GATAD2A: variants seen among roughly 807,000 people sequenced by gnomAD.
GATAD2A encodes the protein transcriptional repressor p66-alpha.
GATAD2A carries 12 observed loss-of-function variants against 68.5 expected under a neutral mutation model. The observed-to-expected ratio is 0.18, with a 90% CI of 0.11 to 0.28. The LOEUF (loss-of-function observed/expected upper bound fraction) is 0.28. GATAD2A is among the 10% of genes least tolerant of loss of function. The pLI, the probability that GATAD2A is intolerant of heterozygous loss-of-function variation, is 1.00. For synonymous variants in GATAD2A, 410 were observed against 375.3 expected, an observed-to-expected ratio of 1.09 and a Z score of -1.07; for missense variants, 755 against 868.5, an observed-to-expected ratio of 0.87 and a Z score of 1.64.
intron 2 of GATAD2A, among the ~76,000 whole-genome samples, chr19:19,472,977 G>A (rs1391966575): frequency 6.6e-6 from 1 of 152,178 alleles, no homozygotes; most frequent in Non-Finnish European, 1.5e-5. Flanking sequence ...AAAGCGCAGA[G>A]GTCTTGGAAA....
intron 1 of GATAD2A, among the ~76,000 whole-genome samples, chr19:19,447,223 G>A (rs567718420): frequency 6.6e-6 from 1 of 152,248 alleles, no homozygotes; most frequent in African/African-American, 2.4e-5. Context: ...CTGAGACCTG[G>A]GGGAGTGGAG....
In GATAD2A at chr19:19,505,367, C is replaced by T; in HGVS notation, c.1798C>T (p.Pro600Ser). 3.1e-6 allele frequency: 5 copies of T among 1,613,340 alleles called. No individual in the cohort carries two copies. The highest frequency in any genetic ancestry group is 4.2e-6 in the Non-Finnish European group (5 of 1,179,726). The change falls in exon 12 of 12, where the codon CCA becomes TCA. Residue 600 changes from proline (P) to serine (S), a missense_variant. Transcript: ENST00000683918. ...AGGCGGGACCCTTGCGTTTGTCAGC[C>T]CAAGCCTGGCGGTGCACAAGAGCTC... Reference protein sequence around the residue: ...STGGTLAFVSPSLAVHKSSSA... With the variant: ...STGGTLAFVSSSLAVHKSSSA...
At position 19,498,482 on chromosome 19, in the gene GATAD2A, G is replaced by C; in HGVS notation, c.964G>C (p.Ala322Pro). 6.2e-7 allele frequency: 1 copy of C among 1,612,790 alleles called. No individual in the cohort carries two copies. The highest frequency in any genetic ancestry group is 8.5e-7 in the Non-Finnish European group (1 of 1,178,972). ...ACTGAAGGGGACAACAGCCACCTCC[G>C]CTCAGGCCAACTCCACCCCCACTAG... ...ASLKGTTATS[A>P]QANSTPTSVA... The change falls in exon 8 of 12, where the codon GCT (alanine) becomes CCT (proline). Residue 322 changes from alanine (A) to proline (P), a missense_variant. By Grantham distance (27) the Ala-to-Pro change is conservative. Transcript: ENST00000683918.
chr19:19,493,476 G>T (rs1267396015), intron 4 of GATAD2A, among the ~76,000 whole-genome samples: 1 of 152,208 alleles, frequency 6.6e-6, no homozygotes, highest in Non-Finnish European at 1.5e-5. Context: ...TCCTGCTTCT[G>T]TTTCTTCTTC....
At chr19:19,501,742 T>G (rs1335302818) in intron 9 of GATAD2A, among the ~76,000 whole-genome samples, 2 of 152,230 alleles carry the variant, frequency 1.3e-5, no homozygotes, top group African/African-American at 4.8e-5. Context: ...TCGTGTTGTT[T>G]TATTTTAATG....
chr19:19,389,899 A>G (rs552566480), intron 1 of GATAD2A, among the ~76,000 whole-genome samples: 1 of 152,224 alleles, frequency 6.6e-6, no homozygotes, highest in Admixed American at 6.5e-5. Flanking sequence ...AGTAGCTGGG[A>G]CCACAGGCGC....
chr19:19,404,393 A>G (rs140668333), upstream of GATAD2A, among the ~76,000 whole-genome samples: 286 of 152,300 alleles, frequency 1.9e-3, no homozygotes, highest in African/African-American at 6.6e-3. Flanking sequence ...TAGAAATAAC[A>G]GTACAGGCTG....
At chr19:19,431,459 G>T (rs1453053930) in intron 1 of GATAD2A, among the ~76,000 whole-genome samples, 2 of 151,584 alleles carry the variant, frequency 1.3e-5, no homozygotes, top group Non-Finnish European at 2.9e-5. Flanking sequence ...ACTTCGGGAG[G>T]CTGAGGCAGG....
intron 1 of GATAD2A, among the ~76,000 whole-genome samples, chr19:19,455,995 A>G (rs1390278012): frequency 6.6e-6 from 1 of 152,072 alleles, no homozygotes; most frequent in Non-Finnish European, 1.5e-5. Context: ...CTAAAAATAC[A>G]AAAACAAAAT....
At chr19:19,388,086 C>T (rs547917624) in intron 1 of GATAD2A, among the ~76,000 whole-genome samples, 261 of 146,900 alleles carry the variant, frequency 1.8e-3, no homozygotes, top group African/African-American at 5.3e-3. Flanking sequence ...GATGGAGTTT[C>T]GCTCTTGTTG....
At chr19:19,501,728 G>A (rs893332052) in intron 9 of GATAD2A, among the ~76,000 whole-genome samples, 2 of 152,192 alleles carry the variant, frequency 1.3e-5, no homozygotes, top group African/African-American at 4.8e-5. Context: ...CAAGTTTTTT[G>A]TTCTCGTGTT....
chr19:19,410,975 A>G (rs1319734631), intron 1 of GATAD2A, among the ~76,000 whole-genome samples: 12 of 152,178 alleles, frequency 7.9e-5, no homozygotes, highest in Admixed American at 5.9e-4. Context: ...GAGTACTGTT[A>G]TGACTGTAAC....
chr19:19,411,613 T>G (rs768315280), intron 1 of GATAD2A, among the ~76,000 whole-genome samples: 1 of 152,204 alleles, frequency 6.6e-6, no homozygotes, highest in East Asian at 1.9e-4. Context: ...GCTTTGTCAC[T>G]GACGATATGC....
intron 1 of GATAD2A, among the ~76,000 whole-genome samples, chr19:19,388,302 C>T (rs895071981): frequency 6.6e-6 from 1 of 152,154 alleles, no homozygotes; most frequent in African/African-American, 2.4e-5. Context: ...GGTGATCCGC[C>T]GGCCTCGGCC....
chr19:19,446,484 T>G (rs2055734012), intron 1 of GATAD2A, among the ~76,000 whole-genome samples: 1 of 140,480 alleles, frequency 7.1e-6, no homozygotes, highest in African/African-American at 2.7e-5. Flanking sequence ...TCTATGGGTG[T>G]TTTTTTTTTT....
chr19:19,421,520 C>T (rs181604654), intron 1 of GATAD2A, among the ~76,000 whole-genome samples: 1 of 152,164 alleles, frequency 6.6e-6, no homozygotes, highest in Admixed American at 6.5e-5. Context: ...GCGCGCTTCT[C>T]TGGGTTGGAT....
intron 1 of GATAD2A, among the ~76,000 whole-genome samples, chr19:19,453,470 C>G (rs1191019753): frequency 6.6e-6 from 1 of 152,094 alleles, no homozygotes; most frequent in Non-Finnish European, 1.5e-5. Flanking sequence ...AGTCCTTGCT[C>G]TGGATTTAAT....
intron 1 of GATAD2A, among the ~76,000 whole-genome samples, chr19:19,456,461 G>T (rs1359863268): frequency 6.6e-6 from 1 of 152,204 alleles, no homozygotes; most frequent in Non-Finnish European, 1.5e-5. Flanking sequence ...CACTGAGCAT[G>T]TGTGTAGCTG....
intron 2 of GATAD2A, among the ~76,000 whole-genome samples, chr19:19,477,304 C>G (rs980748425): frequency 2.0e-5 from 3 of 152,048 alleles, no homozygotes. Context: ...CATAGGACTG[C>G]GGATTTTTAG....
Sources: allele counts gnomAD v4.1 joint callset (sites outside exome capture counted in the v4.1 genomes callset), GRCh38; gene constraint gnomAD v4.1.1; transcripts MANE v1.5; gene names NCBI Gene and HGNC (gene_info 2026-07-23, HGNC 2026-07-21).